ZNF738: variants seen among roughly 807,000 people sequenced by gnomAD.
ZNF738 encodes protein ZNF738.
A neutral mutation model predicts 9.2 loss-of-function variants in ZNF738; 10 were observed. The ratio of observed to expected loss-of-function variants is 1.09; its 90% CI spans 0.67 to 1.85. The LOEUF (loss-of-function observed/expected upper bound fraction) is 1.85. Among genes scored for constraint, ZNF738 ranks in the 40% most tolerant of loss-of-function variants. The probability of loss-of-function intolerance (pLI) is 0.00; values close to 1 mark genes in which losing one functional copy is unlikely to be tolerated. For missense variants in ZNF738, 346 were observed against 283.6 expected, an observed-to-expected ratio of 1.22 and a Z score of -1.58; for synonymous variants, 113 against 94.5, an observed-to-expected ratio of 1.20 and a Z score of -1.14.
rs1338801984 is a variant in ZNF738 at position 21,385,445 on chromosome 19, G to A, written c.*1771G>A. On this transcript the variant is annotated 3_prime_UTR_variant, in exon 5 of 5. Transcript: ENST00000683779. ...CACTCCAGCCTGGATGACAGAGAGAGACTCTATCTCCAAAAAAATAAATAA... is the reference window on the plus strand; with the variant it reads ...CACTCCAGCCTGGATGACAGAGAGAAACTCTATCTCCAAAAAAATAAATAA... Among the ~76,000 whole-genome samples the A allele has an allele frequency of 2.0e-5, 3 of 151,274 alleles. No individual in the cohort carries two copies. The highest frequency in any genetic ancestry group is 4.2e-4 in the South Asian group (2 of 4,802).
At position 21,360,836 on chromosome 19, in the gene ZNF738, C is replaced by CTT. The variant is rs71176860; in HGVS notation, c.4-921_4-920dup. Reference sequence around the variant, plus strand: ...GCATTAAATGGTGCTTTTTTCTTTTCTTTTTTTTTTGAGACGGAGTTTCAC... The same window carrying CTT: ...GCATTAAATGGTGCTTTTTTCTTTTCTTTTTTTTTTTTGAGACGGAGTTTCAC... On this transcript the variant is annotated intron_variant, in intron 1 of 4. Coordinates refer to ENST00000683779, the MANE Select transcript of ZNF738 (RefSeq NM_001355237.2). Among the ~76,000 whole-genome samples, 289 of 148,382 alleles carry CTT rather than the reference C, an allele frequency of 1.9e-3. 4 individuals are homozygous for CTT. In the East Asian group the frequency reaches 0.028, roughly 15 times the overall value.
intron 1 of ZNF738, 80 bp downstream of exon 1, chr19:21,359,223 G>A: frequency 1.1e-6 from 1 of 920,600 alleles, no homozygotes; most frequent in Admixed American, 1.7e-5. Context: ...GCGAGACTCA[G>A]GCCTCCCCGC....
chr19:21,380,538 A>G (rs1973990943), intron 4 of ZNF738, among the ~76,000 whole-genome samples: 1 of 152,148 alleles, frequency 6.6e-6, no homozygotes, highest in African/African-American at 2.4e-5. Flanking sequence ...CCCTCAACTA[A>G]AAGAATCAAA....
intron 4 of ZNF738, 57 bp from the exon 5 acceptor site, chr19:21,382,809 A>C (rs1416814128): frequency 9.8e-6 from 3 of 306,110 alleles, no homozygotes; most frequent in South Asian, 3.9e-5. Context: ...TAGATTTGTA[A>C]TCTATATTTA....
intron 4 of ZNF738, 53 bp from the exon 5 acceptor site, chr19:21,382,813 A>G (rs1974020941): frequency 6.1e-6 from 2 of 330,142 alleles, no homozygotes; most frequent in Non-Finnish European, 1.2e-5. Flanking sequence ...TTTGTAATCT[A>G]TATTTATCTG....
In ZNF738 at chr19:21,386,475, C is replaced by A; in HGVS notation, c.*2801C>A. ...AGTCCTCAACTCCCACTAAACATAACATAATTCATACTGGAGAGAAACCTC... is the reference window on the plus strand; with the variant it reads ...AGTCCTCAACTCCCACTAAACATAAAATAATTCATACTGGAGAGAAACCTC... On this transcript the variant is annotated 3_prime_UTR_variant, in exon 5 of 5. Coordinates refer to ENST00000683779, the MANE Select transcript of ZNF738 (RefSeq NM_001355237.2). 9.2e-6 allele frequency: 3 copies of A among 326,668 alleles called. No homozygotes were observed. Among genetic ancestry groups the A allele is most frequent in the Admixed American group, 3.8e-5 (1 of 26,358 alleles). The allele number at this position is 326,668 out of a possible 1,614,324, so 20.2% of individuals were successfully genotyped here.
At chr19:21,378,669 C>T (rs2937162) in intron 4 of ZNF738, 29 of 371,342 alleles carry the variant, frequency 7.8e-5, no homozygotes, top group Middle Eastern at 7.0e-4. Context: ...AGTGAAATGG[C>T]GCGATTTCAC....
chr19:21,383,572 A>G lies in ZNF738; in HGVS notation c.1026A>G (p.Lys342=), dbSNP rs1187875395. Residue 342 remains lysine (K), a synonymous_variant, in exon 5 of 5, where the codon AAA becomes AAG. Transcript: ENST00000683779. ...TKHKIIHTGE[K]PYKCEECGKA... ...ATAAGATAATTCATACTGGAGAGAAACCCTACAAATGTGAGGAATGTGGCA... is the reference window on the plus strand; with the variant it reads ...ATAAGATAATTCATACTGGAGAGAAGCCCTACAAATGTGAGGAATGTGGCA... 3 of 1,029,002 alleles carry G rather than the reference A, an allele frequency of 2.9e-6. No individual in the cohort carries two copies. In the African/African-American group the frequency reaches 4.7e-5, roughly 16 times the overall value. The allele number at this position is 1,029,002 out of a possible 1,614,324, so 63.7% of individuals were successfully genotyped here.
At position 21,383,033 on chromosome 19, in the gene ZNF738, G is replaced by A; in HGVS notation, c.487G>A (p.Glu163Lys). Residue 163 changes from glutamate (E) to lysine (K), a missense_variant, in exon 5 of 5, where the codon GAA becomes AAA. Glu to Lys is a moderately conservative substitution (Grantham distance 56). Transcript: ENST00000683779. ...TAATGTGCAAAAAGAAGGTTATAAT[G>A]AACTAAAAGAGTATTTGACAACTAC... The part of the protein sequence containing the change: ...ECNVQKEGYN[E>K]LKEYLTTTQS... 2 of 854,418 alleles carry A rather than the reference G, an allele frequency of 2.3e-6. No individual in the cohort carries two copies. The highest frequency in any genetic ancestry group is 2.5e-5 in the East Asian group (1 of 39,906). The allele number at this position is 854,418 out of a possible 1,614,324, so 52.9% of individuals were successfully genotyped here.
Position 21,384,996 on chromosome 19 carries a change from A to G in ZNF738, c.*1322A>G, listed in dbSNP as rs1029691070. Among the ~76,000 whole-genome samples, 1 of 152,238 alleles carries G rather than the reference A, an allele frequency of 6.6e-6. No homozygotes were observed. Among genetic ancestry groups the G allele is most frequent in the African/African-American group, 2.4e-5 (1 of 41,464 alleles). ...ACATAGGAGAATTCATGCGGAAGAG[A>G]ATTTCTACAAATGTGAAGAATGTGG... On this transcript the variant is annotated 3_prime_UTR_variant, in exon 5 of 5. Transcript: ENST00000683779.
At chr19:21,381,382 T>G in intron 4 of ZNF738, 1 of 1,524,774 alleles carries the variant, frequency 6.6e-7, no homozygotes, top group Non-Finnish European at 9.1e-7. Context: ...CTTGAATAAC[T>G]TCTTCATCAG....
chr19:21,381,491 TTTTC>T (rs1974003627), intron 4 of ZNF738: 1 of 1,054,822 alleles, frequency 9.5e-7, no homozygotes, highest in East Asian at 2.4e-5. Flanking sequence ...AGGCTTACCT[TTTTC>T]TTTTTCTTTT....
chr19:21,381,488 C>T, intron 4 of ZNF738: 1 of 1,101,548 alleles, frequency 9.1e-7, no homozygotes, highest in Non-Finnish European at 1.4e-6. Context: ...CTCAGGCTTA[C>T]CTTTTTCTTT....
chr19:21,383,877 A>G lies in ZNF738; in HGVS notation c.*203A>G. ...TTTCTTCAGATTCTCATACCTTACT[A>G]CACATAAGATAATTCATACTGGAGA... On this transcript the variant is annotated 3_prime_UTR_variant, in exon 5 of 5. Coordinates refer to ENST00000683779, the MANE Select transcript of ZNF738 (RefSeq NM_001355237.2). The G allele has an allele frequency of 5.7e-6, 8 of 1,406,938 alleles. No homozygotes were observed. The highest frequency in any genetic ancestry group is 4.6e-5 in the South Asian group (4 of 86,888). 87.2% of individuals were successfully genotyped at this position (1,406,938 alleles called of 1,614,324 possible).
At chr19:21,382,169 A>G (rs1974015299) in intron 4 of ZNF738, among the ~76,000 whole-genome samples, 1 of 147,764 alleles carries the variant, frequency 6.8e-6, no homozygotes, top group African/African-American at 2.5e-5. Flanking sequence ...GGGTTCAAGC[A>G]ATTCTCCTGC....
intron 4 of ZNF738, chr19:21,378,835 G>A: frequency 6.2e-6 from 1 of 160,828 alleles, no homozygotes; most frequent in Non-Finnish European, 1.4e-5. Flanking sequence ...CTGACCTCAG[G>A]TGATTCACCC....
rs1482262788 is a variant in ZNF738 at position 21,388,391 on chromosome 19, T to G, written c.*4717T>G. Among the ~76,000 whole-genome samples the G allele has an allele frequency of 3.3e-5, 5 of 152,146 alleles. No individual in the cohort carries two copies. Among genetic ancestry groups the G allele is most frequent in the African/African-American group, 1.2e-4 (5 of 41,432 alleles). ...CTTTTCTATGGACAAGTAAGGACATTAGAATGTAAGATGCATGATGAAAAA... is the reference window on the plus strand; with the variant it reads ...CTTTTCTATGGACAAGTAAGGACATGAGAATGTAAGATGCATGATGAAAAA... On this transcript the variant is annotated 3_prime_UTR_variant, in exon 5 of 5. Coordinates refer to ENST00000683779, the MANE Select transcript of ZNF738 (RefSeq NM_001355237.2).
chr19:21,375,392 TTA>T (rs1385443159), intron 3 of ZNF738, 28 bp downstream of exon 3: 1 of 690,992 alleles, frequency 1.4e-6, no homozygotes. Flanking sequence ...ACACAATTCC[TTA>T]TATACACTAA....
chr19:21,375,618 A>G (rs941013315), intron 3 of ZNF738, among the ~76,000 whole-genome samples: 3 of 152,176 alleles, frequency 2.0e-5, no homozygotes, highest in Non-Finnish European at 2.9e-5. Context: ...ATTTAGTAGT[A>G]TAAAATATTG....
Sources: gnomAD v4.1 joint callset for allele counts (sites outside exome capture counted in the v4.1 genomes callset) on GRCh38, gnomAD v4.1.1 for gene constraint, MANE v1.5 for transcripts, NCBI Gene and HGNC (gene_info 2026-07-23, HGNC 2026-07-21) for gene names.